The following TRIM33 variants were observed in gnomAD, a reference collection of about 807,000 sequenced individuals.
TRIM33 encodes E3 ubiquitin-protein ligase TRIM33.
In TRIM33, 20 loss-of-function variants were observed where a neutral mutation model predicts 125.4. The observed-to-expected ratio is 0.16, with a 90% CI of 0.11 to 0.23. The LOEUF is 0.23. Among genes scored for constraint, TRIM33 ranks in the 10% least tolerant of loss-of-function variants. TRIM33 has a pLI of 1.00. For synonymous variants in TRIM33, 564 were observed against 513.9 expected (o/e 1.10, Z -1.32); for missense variants, 920 against 1,411.4 (o/e 0.65, Z 5.58).
intron 1 of TRIM33, among the ~76,000 whole-genome samples, chr1:114,489,386 A>G (rs1339110474): frequency 6.6e-6 from 1 of 152,216 alleles, no homozygotes; most frequent in Non-Finnish European, 1.5e-5. Flanking sequence ...GGATTACGAA[A>G]TGATTTTTCA....
At chr1:114,468,203 G>T in intron 1 of TRIM33, 1 of 199,722 alleles carries the variant, frequency 5.0e-6, no homozygotes, top group Non-Finnish European at 9.9e-6. Flanking sequence ...CATTAATAAG[G>T]GGCTAGAGAG....
rs766722726 is a variant in TRIM33, at chr1:114,410,224, A to G, written c.2154T>C (p.Asn718=). The change falls in exon 12 of 20, where the codon AAT becomes AAC. Residue 718 remains asparagine (N), a synonymous_variant. Coordinates refer to ENST00000358465, the MANE Select transcript of TRIM33 (RefSeq NM_015906.4). ...AAAGGGCAGAGGGACCTGGAGAAGG[A>G]TTCATGGTGCTTGTAGGCTGTGGGG... is the stretch of plus-strand genomic sequence containing the variant. ...HLPPQPTSTM[N]PSPGPSALSP... is the part of the protein sequence containing the mutation. 1 of 1,613,986 alleles carries G rather than the reference A, an allele frequency of 6.2e-7. No individual in the cohort carries two copies. The highest frequency in any genetic ancestry group is 1.1e-5 in the South Asian group (1 of 91,074).
At chr1:114,436,448 C>A (rs1489534275) in intron 4 of TRIM33, among the ~76,000 whole-genome samples, 1 of 148,002 alleles carries the variant, frequency 6.8e-6, no homozygotes, top group African/African-American at 2.5e-5. Flanking sequence ...CAAAAAAGCA[C>A]GTGAATATTT....
intron 5 of TRIM33, among the ~76,000 whole-genome samples, 166 bp from the exon 6 acceptor site, chr1:114,431,078 A>T (rs1367684455): frequency 6.6e-6 from 1 of 152,250 alleles, no homozygotes; most frequent in African/African-American, 2.4e-5. Context: ...TTTGGTCCAA[A>T]CAAGTTATGT....
At chr1:114,432,846 T>C (rs1322050763) in intron 5 of TRIM33, among the ~76,000 whole-genome samples, 4 of 152,222 alleles carry the variant, frequency 2.6e-5, no homozygotes, top group Non-Finnish European at 4.4e-5. Flanking sequence ...CATTCAATTA[T>C]TTAATACTTT....
Position 114,511,029 on chromosome 1 carries a change from G to GC in TRIM33, c.47dup (p.Ser17GlnfsTer40). Reference sequence around the variant, plus strand: ...CGGCAGTTACCGGCGCGCTGCCGCTGCCCCCGCCGCCGCTCTCAGCCTCGC... The same window carrying GC: ...CGGCAGTTACCGGCGCGCTGCCGCTGCCCCCCGCCGCCGCTCTCAGCCTCGC... On this transcript the variant is annotated frameshift_variant, in exon 1 of 20. Coordinates refer to ENST00000358465, the MANE Select transcript of TRIM33 (RefSeq NM_015906.4). LOFTEE classifies it high-confidence loss of function. The GC allele has an allele frequency of 2.3e-6, 3 of 1,317,240 alleles. No individual in the cohort carries two copies. The highest frequency in any genetic ancestry group is 1.8e-5 in the South Asian group (1 of 54,380). 81.6% of individuals were successfully genotyped at this position (1,317,240 alleles called of 1,614,324 possible).
At chr1:114,445,661 A>G (rs925905897) in intron 4 of TRIM33, among the ~76,000 whole-genome samples, 11 of 152,216 alleles carry the variant, frequency 7.2e-5, no homozygotes, top group African/African-American at 2.7e-4. Context: ...GTCAAAAGGG[A>G]AAGGCCAAAG....
chr1:114,493,398 C>T (rs116419166), intron 1 of TRIM33, among the ~76,000 whole-genome samples: 3,924 of 152,124 alleles, frequency 0.026, 85 homozygotes, highest in Non-Finnish European at 0.034. Context: ...TGATCAAGTC[C>T]GACTTACTAT....
chr1:114,405,565 C>T lies in TRIM33; in HGVS notation c.2613G>A (p.Ser871=), dbSNP rs114705520. ...KSPIRSLMHR[S]ARIGGDGNNK... Reference sequence around the variant, plus strand: ...TGTTGCCATCTCCTCCAATCCTTGCCGACCTGTGCATGAGGCTTCGAATTG... The same window carrying T: ...TGTTGCCATCTCCTCCAATCCTTGCTGACCTGTGCATGAGGCTTCGAATTG... The change falls in exon 15 of 20, where the codon TCG becomes TCA. Residue 871 remains serine (S), a synonymous_variant. Coordinates refer to ENST00000358465, the MANE Select transcript of TRIM33 (RefSeq NM_015906.4). 9 of 1,614,192 alleles carry T rather than the reference C, an allele frequency of 5.6e-6. No homozygotes were observed. The highest frequency in any genetic ancestry group is 2.7e-5 in the African/African-American group (2 of 75,046).
intron 4 of TRIM33, among the ~76,000 whole-genome samples, chr1:114,450,516 C>T (rs1226566697): frequency 3.9e-5 from 6 of 152,058 alleles, no homozygotes; most frequent in African/African-American, 1.4e-4. Context: ...TATTTTGATT[C>T]CTATTTCATT....
At chr1:114,478,016 T>C (rs1381235046) in intron 1 of TRIM33, among the ~76,000 whole-genome samples, 1 of 152,176 alleles carries the variant, frequency 6.6e-6, no homozygotes, top group Non-Finnish European at 1.5e-5. Flanking sequence ...AAATCCTCTC[T>C]TCAAAGACAA....
At chr1:114,410,767 G>GC (rs1324330309) in intron 11 of TRIM33, among the ~76,000 whole-genome samples, 1 of 135,452 alleles carries the variant, frequency 7.4e-6, no homozygotes, top group Non-Finnish European at 1.6e-5. Context: ...GACACACAAG[G>GC]CCCCTTACTA....
chr1:114,451,103 A>G (rs1275431447), intron 4 of TRIM33, among the ~76,000 whole-genome samples: 1 of 152,162 alleles, frequency 6.6e-6, no homozygotes, highest in Non-Finnish European at 1.5e-5. Context: ...AGCTTAATGG[A>G]CAGATTTATA....
chr1:114,400,611 T>A (rs1651813507), intron 17 of TRIM33, among the ~76,000 whole-genome samples: 1 of 152,258 alleles, frequency 6.6e-6, no homozygotes, highest in South Asian at 2.1e-4. Context: ...AGATGATTAC[T>A]GCTTGTACAA....
intron 1 of TRIM33, among the ~76,000 whole-genome samples, chr1:114,498,514 T>C (rs2101560822): frequency 6.6e-6 from 1 of 152,186 alleles, no homozygotes; most frequent in East Asian, 1.9e-4. Context: ...CCAGGTGTGG[T>C]GGCATGCGCC....
chr1:114,439,797 A>G (rs1648542868), intron 4 of TRIM33, among the ~76,000 whole-genome samples: 6 of 152,208 alleles, frequency 3.9e-5, no homozygotes, highest in Admixed American at 2.6e-4. Context: ...AAAAGCAACC[A>G]GAAGAGAAAA....
chr1:114,483,390 A>G (rs1292461678), intron 1 of TRIM33, among the ~76,000 whole-genome samples: 1 of 151,882 alleles, frequency 6.6e-6, no homozygotes, highest in Non-Finnish European at 1.5e-5. Context: ...TAAAATCTAC[A>G]AAAAGGAAAG....
rs1057031534 is a variant in TRIM33 at position 114,467,049 on chromosome 1, C to T, written c.527-2661G>A. 9.2e-5 allele frequency among the ~76,000 whole-genome samples: 14 copies of T among 152,278 alleles called. No individual in the cohort carries two copies. The East Asian group carries it at 2.5e-3, about 27-fold the overall frequency. On this transcript the variant is annotated intron_variant, in intron 1 of 19. Coordinates refer to ENST00000358465, the MANE Select transcript of TRIM33 (RefSeq NM_015906.4). ...AAACATTCTGAAGGTCATGTGGTGA[C>T]GTAAATGCCAAGATCTGAATTCAAC... is the stretch of plus-strand genomic sequence containing the variant.
At chr1:114,473,727 T>C (rs149774473) in intron 1 of TRIM33, among the ~76,000 whole-genome samples, 2 of 152,206 alleles carry the variant, frequency 1.3e-5, no homozygotes, top group East Asian at 3.9e-4. Flanking sequence ...AGAACTCATA[T>C]CTAACATAAG....
Sources: gnomAD v4.1 joint callset for allele counts (sites outside exome capture counted in the v4.1 genomes callset) on GRCh38, gnomAD v4.1.1 for gene constraint, MANE v1.5 for transcripts, NCBI Gene and HGNC (gene_info 2026-07-23, HGNC 2026-07-21) for gene names.